The following CDC42BPA variants were observed in gnomAD, a reference collection of about 807,000 sequenced individuals.
The protein encoded by CDC42BPA is serine/threonine-protein kinase MRCK alpha.
In CDC42BPA, 80 loss-of-function variants were observed where a neutral mutation model predicts 223.5. The observed-to-expected ratio is 0.36, with a 90% CI of 0.30 to 0.43. The LOEUF is 0.43. CDC42BPA is among the 20% of genes least tolerant of loss of function. The pLI is 1.00. For missense variants in CDC42BPA, 1,743 were observed against 2,099.9 expected (o/e 0.83, Z 3.32); for synonymous variants, 694 against 718.6 (o/e 0.97, Z 0.55).
At chr1:227,276,465 C>T (rs573690208) in intron 1 of CDC42BPA, among the ~76,000 whole-genome samples, 6 of 151,630 alleles carry the variant, frequency 4.0e-5, no homozygotes, top group African/African-American at 1.2e-4. Flanking sequence ...GGGCAGCCCC[C>T]GCTCGGCCAG....
At position 227,091,988 on chromosome 1, in the gene CDC42BPA, T is replaced by C. The variant is rs774577218; in HGVS notation, c.2253A>G (p.Gln751=). 6.4e-7 allele frequency: 1 copy of C among 1,568,726 alleles called. No homozygotes were observed. The highest frequency in any genetic ancestry group is 1.1e-5 in the South Asian group (1 of 87,702). Residue 751 remains glutamine, a synonymous_variant, in exon 16 of 37, where the codon CAA becomes CAG. Transcript: ENST00000366766. ...CACTTTCAAATTCCTCCCTTTCACT[T>C]TGACTAACACAATTCAAAACACAAA... is the stretch of plus-strand genomic sequence containing the variant. ...DKLEKTRRES[Q]SEREEFESEF...
intron 6 of CDC42BPA, among the ~76,000 whole-genome samples, chr1:227,159,754 G>C (rs1663517450): frequency 6.6e-6 from 1 of 151,826 alleles, no homozygotes; most frequent in Non-Finnish European, 1.5e-5. Context: ...TCAAACTCCT[G>C]GACTCAAGTG....
chr1:227,172,476 T>C (rs1666258450), intron 5 of CDC42BPA, among the ~76,000 whole-genome samples: 1 of 152,098 alleles, frequency 6.6e-6, no homozygotes, highest in African/African-American at 2.4e-5. Context: ...ACATACCACA[T>C]TTAAAATGTA....
chr1:227,060,716 A>AGTTT (rs1373925166), intron 21 of CDC42BPA, among the ~76,000 whole-genome samples: 2,763 of 126,144 alleles, frequency 0.022, 61 homozygotes, highest in Non-Finnish European at 0.033. Context: ...GTAAATAGGT[A>AGTTT]CTTTTTTTTT....
intron 15 of CDC42BPA, among the ~76,000 whole-genome samples, chr1:227,096,046 G>A (rs1012733904): frequency 2.6e-5 from 4 of 152,158 alleles, no homozygotes; most frequent in Admixed American, 6.5e-5. Context: ...AACAAACAAT[G>A]TAAGTAATGG....
chr1:226,995,827 G>C (rs1017764971), intron 35 of CDC42BPA, among the ~76,000 whole-genome samples: 5 of 152,180 alleles, frequency 3.3e-5, no homozygotes, highest in Admixed American at 2.6e-4. Context: ...TCATCGTGCT[G>C]AGTTTCAGTA....
intron 1 of CDC42BPA, among the ~76,000 whole-genome samples, chr1:227,308,528 A>C (rs80234202): frequency 0.057 from 8,380 of 146,264 alleles, 845 homozygotes; most frequent in African/African-American, 0.2. Flanking sequence ...AAAAAAAAAA[A>C]CAGAATGGGA....
At chr1:227,150,918 T>C (rs1661634280) in intron 6 of CDC42BPA, among the ~76,000 whole-genome samples, 1 of 151,398 alleles carries the variant, frequency 6.6e-6, no homozygotes. Context: ...CAAAAACATA[T>C]TACTGAGGGT....
chr1:227,040,015 T>A (rs1007178496), intron 24 of CDC42BPA, 116 bp downstream of exon 24: 8 of 708,772 alleles, frequency 1.1e-5, no homozygotes, highest in Admixed American at 5.0e-5. Context: ...ATTCCTGTTA[T>A]GCAAAAAAGC....
At chr1:227,090,090 C>T (rs1350199424) in intron 16 of CDC42BPA, among the ~76,000 whole-genome samples, 1 of 152,126 alleles carries the variant, frequency 6.6e-6, no homozygotes, top group Non-Finnish European at 1.5e-5. Flanking sequence ...AGTTCATGCA[C>T]TATTCATGGC....
intron 1 of CDC42BPA, among the ~76,000 whole-genome samples, chr1:227,254,607 G>A (rs1293659100): frequency 3.3e-5 from 5 of 152,124 alleles, no homozygotes; most frequent in South Asian, 4.1e-4. Context: ...GTTAGCAAAC[G>A]TCTACAGTAT....
intron 34 of CDC42BPA, among the ~76,000 whole-genome samples, chr1:227,014,911 G>A (rs1441644238): frequency 4.6e-5 from 7 of 152,078 alleles, no homozygotes; most frequent in East Asian, 3.8e-4. Flanking sequence ...AAACATGACC[G>A]GTCTGAGAGC....
intron 14 of CDC42BPA, among the ~76,000 whole-genome samples, chr1:227,104,766 C>T (rs1685620128): frequency 1.3e-5 from 2 of 152,174 alleles, no homozygotes; most frequent in South Asian, 4.2e-4. Flanking sequence ...TCCATGTGAA[C>T]ATGAAAGCAG....
intron 6 of CDC42BPA, among the ~76,000 whole-genome samples, chr1:227,153,793 A>G (rs905236486): frequency 1.3e-5 from 2 of 152,008 alleles, no homozygotes; most frequent in African/African-American, 4.8e-5. Flanking sequence ...AACTTCACCC[A>G]GGCTAAGGTG....
rs1438506481 is a variant in CDC42BPA, at chr1:226,991,896, C to CTCCT, written c.*2368_*2371dup. ...CCTGTTAATCTCGGCTTGGGATGGC[C>CTCCT]TCCTCCCTGCCTGAGAAGAGAAGGG... On this transcript the variant is annotated 3_prime_UTR_variant, in exon 37 of 37. Transcript: ENST00000366766. 1.3e-5 allele frequency: 2 copies of CTCCT among 150,912 alleles called. No homozygotes were observed. The highest frequency in any genetic ancestry group is 1.3e-4 in the Admixed American group (2 of 15,102). 9.3% of individuals were successfully genotyped at this position (150,912 alleles called of 1,614,324 possible).
Position 227,308,065 on chromosome 1 carries a change from C to G in CDC42BPA, c.178+8940G>C, listed in dbSNP as rs192542592. Among the ~76,000 whole-genome samples, 94 of 151,758 alleles carry G rather than the reference C, an allele frequency of 6.2e-4. 3 individuals carry two copies. In the East Asian group the frequency reaches 0.017, roughly 28 times the overall value. On this transcript the variant is annotated intron_variant, in intron 1 of 36. Transcript: ENST00000366766. ...ACAGAAATATTGGCATCTTCAATCC[C>G]AATATAATAAAATACTATCAGTAAG...
At chr1:227,149,778 GA>G (rs1661384275) in intron 6 of CDC42BPA, among the ~76,000 whole-genome samples, 1 of 152,154 alleles carries the variant, frequency 6.6e-6, no homozygotes, top group East Asian at 1.9e-4. Flanking sequence ...GAAAGGCTAA[GA>G]CGTACAGACC....
At chr1:227,073,419 A>G (rs974965132) in intron 19 of CDC42BPA, among the ~76,000 whole-genome samples, 5 of 152,138 alleles carry the variant, frequency 3.3e-5, no homozygotes, top group Non-Finnish European at 7.4e-5. Context: ...TACTTAAAAG[A>G]TATTATATCA....
chr1:227,041,948 T>C (rs995634347), intron 23 of CDC42BPA, among the ~76,000 whole-genome samples: 4 of 152,222 alleles, frequency 2.6e-5, no homozygotes, highest in Non-Finnish European at 5.9e-5. Context: ...ATTATTTCCT[T>C]ATATGAAGGA....
Sources: gnomAD v4.1 joint callset for allele counts (sites outside exome capture counted in the v4.1 genomes callset) on GRCh38, gnomAD v4.1.1 for gene constraint, MANE v1.5 for transcripts, NCBI Gene and HGNC (gene_info 2026-07-23, HGNC 2026-07-21) for gene names.